SLC17A6: variants seen among roughly 807,000 people sequenced by gnomAD.
SLC17A6 encodes the protein vesicular glutamate transporter 2.
A neutral mutation model predicts 67.1 loss-of-function variants in SLC17A6; 35 were observed. That is an observed-to-expected ratio of 0.52 (90% CI 0.40 to 0.69). SLC17A6 has a LOEUF of 0.69. Ranked by LOEUF, SLC17A6 falls within the 30% of genes least tolerant of loss-of-function variation. The pLI is 0.00. For synonymous variants in SLC17A6, 285 were observed against 252.3 expected, an observed-to-expected ratio of 1.13 and a Z score of -1.23; for missense variants, 588 against 723.9, an observed-to-expected ratio of 0.81 and a Z score of 2.15.
chr11:22,377,704 C>T lies in SLC17A6; in HGVS notation c.1713C>T (p.Asp571=), dbSNP rs957118740. 1.9e-6 allele frequency: 3 copies of T among 1,604,384 alleles called. No homozygotes were observed. Among genetic ancestry groups the T allele is most frequent in the African/African-American group, 2.7e-5 (2 of 74,246 alleles). The change falls in exon 12 of 12, where the codon GAC becomes GAT. Residue 571 remains aspartate, a synonymous_variant. Transcript: ENST00000263160. ...AATTTGTACAAGGAGAAGTACAAGA[C>T]TCACATAGCTATAAGGACCGAGTTG... ...KEEFVQGEVQ[D]SHSYKDRVDY...
chr11:22,343,091 C>A, intron 2 of SLC17A6, 156 bp from the exon 3 acceptor site: 1 of 724,186 alleles, frequency 1.4e-6, no homozygotes, highest in East Asian at 2.5e-5. Context: ...TTGCAAGAGG[C>A]AATTTTGTTA....
intron 3 of SLC17A6, among the ~76,000 whole-genome samples, 200 bp downstream of exon 3, chr11:22,343,565 C>T (rs1855843586): frequency 6.6e-6 from 1 of 152,194 alleles, no homozygotes; most frequent in African/African-American, 2.4e-5. Context: ...AATGTAGGCT[C>T]TCTGGGACCA....
intron 8 of SLC17A6, among the ~76,000 whole-genome samples, chr11:22,373,077 AC>A (rs1205069544): frequency 2.0e-5 from 3 of 152,214 alleles, no homozygotes; most frequent in African/African-American, 2.4e-5. Flanking sequence ...TGCTTTGCAC[AC>A]CCTTTGCTGA....
rs757414611 is a variant in SLC17A6, at chr11:22,377,574, CAG to C, written c.1584_1585del (p.Asp530HisfsTer26). On this transcript the variant is annotated frameshift_variant, in exon 12 of 12. Transcript: ENST00000263160. LOFTEE classifies it high-confidence loss of function. ...CATGAAGATGAACTCGATGAAGAAACAGGGGACATTACTCAAAATTATATAAA... is the reference window on the plus strand; with the variant it reads ...CATGAAGATGAACTCGATGAAGAAACGGGACATTACTCAAAATTATATAAA... 1.9e-6 allele frequency: 3 copies of C among 1,614,038 alleles called. No homozygotes were observed. Among genetic ancestry groups the C allele is most frequent in the South Asian group, 1.1e-5 (1 of 91,086 alleles).
intron 6 of SLC17A6, 124 bp downstream of exon 6, chr11:22,362,949 A>G: frequency 2.9e-6 from 2 of 699,562 alleles, no homozygotes; most frequent in East Asian, 2.8e-5. Flanking sequence ...TTCTTCTCTT[A>G]AGAATCCTTC....
At position 22,341,594 on chromosome 11, in the gene SLC17A6, G is replaced by T. The variant is rs370349983; in HGVS notation, c.153G>T (p.Glu51Asp). Residue 51 changes from glutamate (E) to aspartate (D), a missense_variant, in exon 2 of 12, where the codon GAG becomes GAT. By Grantham distance (45) the Glu-to-Asp change is conservative (BLOSUM62 2). This residue lies in a region of SLC17A6 where 117 missense variants were observed against 98.7 expected (regional missense o/e 1.19). Coordinates refer to ENST00000263160, the MANE Select transcript of SLC17A6 (RefSeq NM_020346.3). The part of the protein sequence containing the change: ...IELTEDGKPL[E>D]VPERKAPLCD... Reference sequence around the variant, plus strand: ...TGACGGAGGATGGGAAGCCCCTAGAGGTGCCCGAGAGGAAGGCGCCGCTGT... The same window carrying T: ...TGACGGAGGATGGGAAGCCCCTAGATGTGCCCGAGAGGAAGGCGCCGCTGT... The T allele has an allele frequency of 6.2e-7, 1 of 1,614,124 alleles. No individual in the cohort carries two copies. Among genetic ancestry groups the T allele is most frequent in the Non-Finnish European group, 8.5e-7 (1 of 1,180,040 alleles).
At chr11:22,377,333 C>T in intron 11 of SLC17A6, 72 bp from the exon 12 acceptor site, 1 of 1,333,514 alleles carries the variant, frequency 7.5e-7, no homozygotes, top group Non-Finnish European at 1.0e-6. Context: ...AGTGGTGGTG[C>T]ATTCAGAGAA....
At chr11:22,349,732 C>A (rs1855917692) in intron 3 of SLC17A6, among the ~76,000 whole-genome samples, 1 of 152,158 alleles carries the variant, frequency 6.6e-6, no homozygotes, top group East Asian at 1.9e-4. Flanking sequence ...GTCATTTTTA[C>A]AACTTAATGA....
intron 3 of SLC17A6, among the ~76,000 whole-genome samples, chr11:22,351,745 C>T (rs887340572): frequency 1.3e-5 from 2 of 152,048 alleles, no homozygotes; most frequent in African/African-American, 4.8e-5. Context: ...AAATGATTTA[C>T]TTGGGAGGTT....
chr11:22,367,678 A>G (rs1856127937), intron 7 of SLC17A6, among the ~76,000 whole-genome samples: 3 of 152,308 alleles, frequency 2.0e-5, no homozygotes, highest in East Asian at 3.9e-4. Flanking sequence ...TTGAGAGGTC[A>G]TATGTCTAGA....
At chr11:22,338,852 T>TGTGTGTGTGTG (rs1855767769) in intron 1 of SLC17A6, among the ~76,000 whole-genome samples, 1 of 146,758 alleles carries the variant, frequency 6.8e-6, no homozygotes, top group African/African-American at 2.5e-5. Context: ...TGTGTGTGTG[T>TGTGTGTGTGTG]TTGATTTTTG....
At position 22,377,715 on chromosome 11, in the gene SLC17A6, A is replaced by G. The variant is rs769111988; in HGVS notation, c.1724A>G (p.Tyr575Cys). ...GGAGAAGTACAAGACTCACATAGCTATAAGGACCGAGTTGATTATTCATAA... is the reference window on the plus strand; with the variant it reads ...GGAGAAGTACAAGACTCACATAGCTGTAAGGACCGAGTTGATTATTCATAA... ...VQGEVQDSHS[Y>C]KDRVDYS is the part of the protein sequence containing the mutation. Residue 575 changes from tyrosine (Y) to cysteine (C), a missense_variant, in exon 12 of 12, where the codon TAT becomes TGT. Tyr to Cys is a radical substitution (Grantham distance 194). Coordinates refer to ENST00000263160, the MANE Select transcript of SLC17A6 (RefSeq NM_020346.3). 6.3e-7 allele frequency: 1 copy of G among 1,589,594 alleles called. No individual in the cohort carries two copies. The highest frequency in any genetic ancestry group is 8.6e-7 in the Non-Finnish European group (1 of 1,168,782).
At chr11:22,373,242 T>C (rs1856193906) in intron 8 of SLC17A6, among the ~76,000 whole-genome samples, 1 of 152,222 alleles carries the variant, frequency 6.6e-6, no homozygotes. Context: ...TTATGTGGAC[T>C]TAGGCAATGT....
chr11:22,376,124 G>T (rs376228883), intron 10 of SLC17A6, 32 bp downstream of exon 10: 41 of 1,495,358 alleles, frequency 2.7e-5, no homozygotes, highest in Non-Finnish European at 3.4e-5. Flanking sequence ...TTGTACTTGG[G>T]ACATTCTGAT....
Position 22,377,635 on chromosome 11 carries a change from A to T in SLC17A6, c.1644A>T (p.Thr548=). 1 of 1,614,084 alleles carries T rather than the reference A, an allele frequency of 6.2e-7. No homozygotes were observed. Among genetic ancestry groups the T allele is most frequent in the Non-Finnish European group, 8.5e-7 (1 of 1,179,944 alleles). The change falls in exon 12 of 12, where the codon ACA becomes ACT. Residue 548 remains threonine, a synonymous_variant. Coordinates refer to ENST00000263160, the MANE Select transcript of SLC17A6 (RefSeq NM_020346.3). ...CCACCAAGTCTTATGGTGCCACAACACAGGCCAATGGAGGTTGGCCTAGTG... is the reference window on the plus strand; with the variant it reads ...CCACCAAGTCTTATGGTGCCACAACTCAGGCCAATGGAGGTTGGCCTAGTG... ...YGTTKSYGAT[T]QANGGWPSGW...
chr11:22,356,934 T>A (rs1294424744), intron 3 of SLC17A6, among the ~76,000 whole-genome samples: 1 of 152,236 alleles, frequency 6.6e-6, no homozygotes, highest in African/African-American at 2.4e-5. Flanking sequence ...ACATTAAAAG[T>A]AATCTTTTGG....
chr11:22,353,373 A>AAAACAAAACC (rs1438999973), intron 3 of SLC17A6, among the ~76,000 whole-genome samples: 45 of 152,306 alleles, frequency 3.0e-4, no homozygotes, highest in African/African-American at 1.0e-3. Flanking sequence ...AAAACAAAAC[A>AAAACAAAACC]AAACCTCTCA....
intron 3 of SLC17A6, among the ~76,000 whole-genome samples, chr11:22,357,618 C>T (rs568940915): frequency 6.6e-6 from 1 of 152,154 alleles, no homozygotes; most frequent in African/African-American, 2.4e-5. Context: ...GGGTAATATT[C>T]ATCTCTCACC....
intron 3 of SLC17A6, among the ~76,000 whole-genome samples, chr11:22,354,873 C>G (rs1855980269): frequency 6.6e-6 from 1 of 152,184 alleles, no homozygotes; most frequent in Admixed American, 6.5e-5. Flanking sequence ...GATATCCACA[C>G]TAACAATTCA....
Sources: gnomAD v4.1 joint callset for allele counts (sites outside exome capture counted in the v4.1 genomes callset) on GRCh38, gnomAD v4.1.1 for gene constraint, gnomAD v4.1.1 regional missense constraint, MANE v1.5 for transcripts, NCBI Gene and HGNC (gene_info 2026-07-23, HGNC 2026-07-21) for gene names.